The following SGCZ variants were observed in gnomAD, a reference collection of about 807,000 sequenced individuals.
SGCZ encodes the protein zeta-sarcoglycan.
A neutral mutation model predicts 41.3 loss-of-function variants in SGCZ; 40 were observed. The observed-to-expected ratio is 0.97, with a 90% confidence interval of 0.75 to 1.26. The LOEUF (loss-of-function observed/expected upper bound fraction) is 1.26. Ranked by LOEUF, SGCZ falls within the 50% of genes most tolerant of loss-of-function variation. The probability of loss-of-function intolerance (pLI) is 0.00; values close to 1 mark genes in which losing one functional copy is unlikely to be tolerated. For synonymous variants in SGCZ, 206 were observed against 137.5 expected (o/e 1.50, Z -3.49); for missense variants, 552 against 369.8 (o/e 1.49, Z -4.04).
intron 2 of SGCZ, among the ~76,000 whole-genome samples, chr8:14,331,552 T>C (rs12545298): frequency 6.6e-6 from 1 of 152,042 alleles, no homozygotes; most frequent in Non-Finnish European, 1.5e-5. Context: ...TATCAGGAAA[T>C]AAACTCTATA....
chr8:14,156,092 G>A (rs1046870195), intron 5 of SGCZ, among the ~76,000 whole-genome samples: 1 of 152,150 alleles, frequency 6.6e-6, no homozygotes, highest in African/African-American at 2.4e-5. Context: ...AGTGGTGAGT[G>A]AATGTGAAGG....
At chr8:15,001,795 G>C (rs538807808) in intron 1 of SGCZ, among the ~76,000 whole-genome samples, 1 of 149,318 alleles carries the variant, frequency 6.7e-6, no homozygotes, top group Admixed American at 6.7e-5. Flanking sequence ...TATTTATTAA[G>C]CACTTTCATG....
chr8:14,256,264 T>C (rs1307487616), intron 3 of SGCZ, among the ~76,000 whole-genome samples: 1 of 152,206 alleles, frequency 6.6e-6, no homozygotes, highest in East Asian at 1.9e-4. Context: ...CTAAGAAAGA[T>C]GTAAGAGAGG....
chr8:14,506,230 A>G (rs962921936), intron 2 of SGCZ, among the ~76,000 whole-genome samples: 1 of 151,912 alleles, frequency 6.6e-6, no homozygotes, highest in Non-Finnish European at 1.5e-5. Context: ...TCTAACAACA[A>G]ACTCCCACCA....
At chr8:14,682,520 C>T (rs190824946) in intron 1 of SGCZ, among the ~76,000 whole-genome samples, 8 of 151,506 alleles carry the variant, frequency 5.3e-5, no homozygotes, top group South Asian at 2.1e-4. Context: ...CTGCAATCTC[C>T]GCCTCCCGGG....
intron 2 of SGCZ, among the ~76,000 whole-genome samples, chr8:14,456,191 C>T (rs1205821208): frequency 3.3e-5 from 5 of 152,086 alleles, no homozygotes; most frequent in Non-Finnish European, 7.4e-5. Flanking sequence ...GGCAAATCAC[C>T]TGAGGTCAGG....
At chr8:14,692,024 A>G (rs1446026475) in intron 1 of SGCZ, among the ~76,000 whole-genome samples, 2 of 152,012 alleles carry the variant, frequency 1.3e-5, no homozygotes, top group Non-Finnish European at 2.9e-5. Context: ...GATTGAAATA[A>G]TAATTTCTAA....
At chr8:15,070,363 C>T (rs958995929) in intron 1 of SGCZ, among the ~76,000 whole-genome samples, 1 of 152,114 alleles carries the variant, frequency 6.6e-6, no homozygotes, top group Non-Finnish European at 1.5e-5. Flanking sequence ...TATATACATG[C>T]TTGTTTCATT....
intron 4 of SGCZ, among the ~76,000 whole-genome samples, chr8:14,169,564 G>T (rs144777410): frequency 6.6e-4 from 101 of 152,168 alleles, no homozygotes; most frequent in East Asian, 4.5e-3. Flanking sequence ...TCCCTCTGCT[G>T]CTTCCTACCT....
At chr8:14,380,303 TTC>T (rs1484850100) in intron 2 of SGCZ, among the ~76,000 whole-genome samples, 1 of 152,204 alleles carries the variant, frequency 6.6e-6, no homozygotes, top group Non-Finnish European at 1.5e-5. Flanking sequence ...TTGATGCTTT[TTC>T]TTTTTCTTAA....
At chr8:14,802,499 G>A (rs559308616) in intron 1 of SGCZ, among the ~76,000 whole-genome samples, 5 of 152,166 alleles carry the variant, frequency 3.3e-5, no homozygotes, top group Non-Finnish European at 7.3e-5. Context: ...ACCATTTTAT[G>A]AGCCAGTGAT....
At chr8:14,698,749 G>A (rs1010130537) in intron 1 of SGCZ, among the ~76,000 whole-genome samples, 3 of 151,898 alleles carry the variant, frequency 2.0e-5, no homozygotes, top group Non-Finnish European at 4.4e-5. Context: ...GACTAAGCCA[G>A]TAGACACTAA....
At chr8:14,777,086 T>A (rs1210500542) in intron 1 of SGCZ, among the ~76,000 whole-genome samples, 3 of 152,176 alleles carry the variant, frequency 2.0e-5, no homozygotes, top group Non-Finnish European at 4.4e-5. Flanking sequence ...CTGCAGTGAA[T>A]ACAGACTGTT....
At chr8:15,046,470 A>C (rs911865897) in intron 1 of SGCZ, among the ~76,000 whole-genome samples, 4 of 151,928 alleles carry the variant, frequency 2.6e-5, no homozygotes, top group Non-Finnish European at 5.9e-5. Context: ...CTTGATGCTA[A>C]AATTATTCCA....
At chr8:14,124,595 T>G (rs4492379) in intron 5 of SGCZ, among the ~76,000 whole-genome samples, 51,930 of 152,042 alleles carry the variant, frequency 0.34, 11,234 homozygotes, top group Non-Finnish European at 0.49. Context: ...CATCAATCAT[T>G]CATCTTAATC....
chr8:14,394,143 C>CTTTTTTTTTT (rs75054512), intron 2 of SGCZ, among the ~76,000 whole-genome samples: 7 of 117,492 alleles, frequency 6.0e-5, no homozygotes, highest in Non-Finnish European at 1.0e-4. Flanking sequence ...CGCCCCCCAC[C>CTTTTTTTTTT]TTTTTTTTTT....
At chr8:14,839,868 T>A (rs1802839339) in intron 1 of SGCZ, among the ~76,000 whole-genome samples, 3 of 152,340 alleles carry the variant, frequency 2.0e-5, no homozygotes, top group South Asian at 4.1e-4. Flanking sequence ...TTGACAAGGA[T>A]TGAAAAGGAT....
chr8:14,651,200 A>G (rs952830140), intron 1 of SGCZ, among the ~76,000 whole-genome samples: 1 of 152,104 alleles, frequency 6.6e-6, no homozygotes, highest in Non-Finnish European at 1.5e-5. Context: ...ACAAAATATC[A>G]ATCAGATATG....
chr8:14,784,193 G>A (rs1292239200), intron 1 of SGCZ, among the ~76,000 whole-genome samples: 1 of 149,500 alleles, frequency 6.7e-6, no homozygotes, highest in East Asian at 2.0e-4. Flanking sequence ...AGGGAACACA[G>A]GCACATGCCA....
Sources: gnomAD v4.1 joint callset for allele counts (sites outside exome capture counted in the v4.1 genomes callset) on GRCh38, gnomAD v4.1.1 for gene constraint, MANE v1.5 for transcripts, NCBI Gene and HGNC (gene_info 2026-07-23, HGNC 2026-07-21) for gene names.